Variants in TNFRSF8 observed in about 807,000 individuals in gnomAD.
TNFRSF8 encodes the protein TNF receptor superfamily member 8.
In TNFRSF8, 26 loss-of-function variants were observed where a neutral mutation model predicts 70.8. That is an observed-to-expected ratio of 0.37 (90% CI 0.27 to 0.51). The LOEUF (loss-of-function observed/expected upper bound fraction) is 0.51. Among genes scored for constraint, TNFRSF8 ranks in the 20% least tolerant of loss-of-function variants. The pLI is 0.94. For missense variants in TNFRSF8, 720 were observed against 807.9 expected, an observed-to-expected ratio of 0.89 and a Z score of 1.32; for synonymous variants, 356 against 339.2, an observed-to-expected ratio of 1.05 and a Z score of -0.54.
rs759339740 is a variant in TNFRSF8, at chr1:12,113,469, C to T, written c.793+1455C>T. Among the ~76,000 whole-genome samples, 5 of 151,814 alleles carry T rather than the reference C, an allele frequency of 3.3e-5. No homozygotes were observed. The highest frequency in any genetic ancestry group is 5.9e-5 in the Non-Finnish European group (4 of 68,004). On this transcript the variant is annotated intron_variant, in intron 7 of 14. Coordinates refer to ENST00000263932, the MANE Select transcript of TNFRSF8 (RefSeq NM_001243.5). The surrounding 1 kb of genome is among the most constrained non-coding windows in gnomAD (Gnocchi z 4.9). ...AATTACAAGCATGAGCCATTGCCCC[C>T]GGCCATAAAAGTCTTGAGAGAGAGA...
At chr1:12,123,673 C>T (rs746177338) in intron 9 of TNFRSF8, 42 bp from the exon 10 acceptor site, 38 of 1,494,280 alleles carry the variant, frequency 2.5e-5, no homozygotes, top group Non-Finnish European at 3.4e-5. Flanking sequence ...CCACTTCCCT[C>T]TTCCCATCTT....
At chr1:12,086,734 T>A (rs1415785864) in intron 2 of TNFRSF8, among the ~76,000 whole-genome samples, 3 of 152,120 alleles carry the variant, frequency 2.0e-5, no homozygotes, top group Non-Finnish European at 4.4e-5. Flanking sequence ...TGGTGAGGGC[T>A]GTCTTCTTGG....
intron 1 of TNFRSF8, among the ~76,000 whole-genome samples, chr1:12,076,212 T>C (rs965308229): frequency 1.3e-5 from 2 of 151,492 alleles, no homozygotes; most frequent in Non-Finnish European, 2.9e-5. Flanking sequence ...GCGATTCTTC[T>C]GCCTCAGCCT....
intron 4 of TNFRSF8, among the ~76,000 whole-genome samples, chr1:12,106,438 G>C (rs573295743): frequency 6.6e-6 from 1 of 152,208 alleles, no homozygotes; most frequent in Non-Finnish European, 1.5e-5. Context: ...TGCAAATGTG[G>C]ATACATACCT....
chr1:12,072,340 G>C (rs1318566413), intron 1 of TNFRSF8, among the ~76,000 whole-genome samples: 1 of 152,152 alleles, frequency 6.6e-6, no homozygotes, highest in Non-Finnish European at 1.5e-5. Context: ...GGGCAGTGTG[G>C]GAAGGGGAAT....
chr1:12,134,687 C>T (rs921800664), intron 12 of TNFRSF8, among the ~76,000 whole-genome samples: 2 of 152,200 alleles, frequency 1.3e-5, no homozygotes, highest in South Asian at 4.1e-4. Context: ...AAGAGAAAAT[C>T]GAAGTCCAGC....
intron 1 of TNFRSF8, among the ~76,000 whole-genome samples, chr1:12,081,946 T>A (rs993774585): frequency 8.2e-6 from 1 of 121,802 alleles, no homozygotes; most frequent in South Asian, 2.4e-4. Context: ...CCTCCCTGCC[T>A]CTTGCCTCAC....
rs141890526 is a variant in TNFRSF8, at chr1:12,115,594, A to G, written c.811A>G (p.Thr271Ala). The change falls in exon 8 of 15, where the codon ACG (threonine) becomes GCG (alanine). Residue 271 changes from threonine to alanine, a missense_variant. By Grantham distance (58) the Thr-to-Ala change is moderately conservative (BLOSUM62 0). Transcript: ENST00000263932. ...SCSRDDLVEK[T>A]PCAWNSSRTC... is the part of the protein sequence containing the mutation. ...TCCCTTAGATGACCTTGTGGAGAAG[A>G]CGCCATGTGCATGGAACTCCTCCCG... The G allele has an allele frequency of 6.2e-7, 1 of 1,614,020 alleles. No homozygotes were observed.
At chr1:12,137,765 T>C (rs200989272) in intron 13 of TNFRSF8, among the ~76,000 whole-genome samples, 1 of 152,032 alleles carries the variant, frequency 6.6e-6, no homozygotes, top group East Asian at 1.9e-4. Context: ...GTGGGGGACC[T>C]GGAGCTGGTA....
intron 1 of TNFRSF8, among the ~76,000 whole-genome samples, chr1:12,069,509 C>T (rs1232348040): frequency 6.6e-6 from 1 of 152,236 alleles, no homozygotes; most frequent in East Asian, 1.9e-4. Flanking sequence ...TGAGTCACCT[C>T]CCTGTTCTTC....
chr1:12,128,967 T>C (rs967553568), intron 12 of TNFRSF8, among the ~76,000 whole-genome samples: 1 of 151,658 alleles, frequency 6.6e-6, no homozygotes. Context: ...CCTGAGTAGC[T>C]GGGATTACAG....
chr1:12,069,916 G>A (rs1179618305), intron 1 of TNFRSF8, among the ~76,000 whole-genome samples: 2 of 152,194 alleles, frequency 1.3e-5, no homozygotes, highest in Non-Finnish European at 2.9e-5. Flanking sequence ...GAGGGAGGCA[G>A]CCAGTGGGAG....
chr1:12,135,731 C>T, intron 13 of TNFRSF8, 118 bp downstream of exon 13: 1 of 1,385,894 alleles, frequency 7.2e-7, no homozygotes, highest in South Asian at 1.3e-5. Context: ...GACGGACTGG[C>T]CATTCCCCTC....
intron 8 of TNFRSF8, among the ~76,000 whole-genome samples, chr1:12,117,014 T>G (rs1641743649): frequency 6.6e-6 from 1 of 152,152 alleles, no homozygotes; most frequent in Non-Finnish European, 1.5e-5. Flanking sequence ...TGTATTACAA[T>G]GGCATGGCAT....
intron 1 of TNFRSF8, among the ~76,000 whole-genome samples, chr1:12,081,907 G>A (rs185240604): frequency 6.6e-6 from 1 of 152,226 alleles, no homozygotes; most frequent in Non-Finnish European, 1.5e-5. Flanking sequence ...CATCTTGGAT[G>A]CTGAAGACAT....
At chr1:12,100,910 T>A (rs1398809103) in intron 3 of TNFRSF8, among the ~76,000 whole-genome samples, 2 of 151,152 alleles carry the variant, frequency 1.3e-5, no homozygotes, top group African/African-American at 4.9e-5. Context: ...TGAGCTGAGA[T>A]TGTGCTACTG....
chr1:12,103,269 C>G (rs1641455766), intron 3 of TNFRSF8, among the ~76,000 whole-genome samples: 1 of 151,708 alleles, frequency 6.6e-6, no homozygotes, highest in South Asian at 2.1e-4. Context: ...GAGGCTGAGG[C>G]AGGAGAATCA....
intron 8 of TNFRSF8, among the ~76,000 whole-genome samples, chr1:12,121,561 G>A (rs913259179): frequency 3.9e-5 from 6 of 152,344 alleles, no homozygotes; most frequent in South Asian, 4.1e-4. Context: ...CCAGAGGAGA[G>A]TGCTCTGGGC....
chr1:12,084,241 G>T (rs554044774), intron 1 of TNFRSF8, among the ~76,000 whole-genome samples: 1 of 152,268 alleles, frequency 6.6e-6, no homozygotes, highest in Admixed American at 6.5e-5. Flanking sequence ...CTGATAGGTT[G>T]TTTGAGAGGA....
Sources: gnomAD v4.1 joint callset for allele counts (sites outside exome capture counted in the v4.1 genomes callset) on GRCh38, gnomAD v4.1.1 for gene constraint, Gnocchi (gnomAD v3.1) non-coding constraint, MANE v1.5 for transcripts, NCBI Gene and HGNC (gene_info 2026-07-23, HGNC 2026-07-21) for gene names.